The following TBX15 variants were observed in gnomAD, a reference collection of about 807,000 sequenced individuals.
TBX15 encodes T-box transcription factor TBX15.
TBX15 carries 18 observed loss-of-function variants against 53.9 expected under a neutral mutation model. That is an observed-to-expected ratio of 0.33 (90% CI 0.23 to 0.49). TBX15 has a LOEUF of 0.49. TBX15 is among the 20% of genes least tolerant of loss of function. The probability of loss-of-function intolerance (pLI) is 0.98; values close to 1 mark genes in which losing one functional copy is unlikely to be tolerated. For missense variants in TBX15, 692 were observed against 749.5 expected (o/e 0.92, Z 0.90); for synonymous variants, 295 against 278.0 (o/e 1.06, Z -0.61).
chr1:118,893,493 A>G (rs868778816), intron 7 of TBX15, among the ~76,000 whole-genome samples: 43 of 103,476 alleles, frequency 4.2e-4, no homozygotes, highest in Non-Finnish European at 3.6e-4. Flanking sequence ...AAGGAAAGAA[A>G]GAAAGAAAGA....
At chr1:118,970,528 C>T (rs1657203630) in intron 1 of TBX15, among the ~76,000 whole-genome samples, 2 of 152,300 alleles carry the variant, frequency 1.3e-5, no homozygotes, top group Non-Finnish European at 2.9e-5. Flanking sequence ...TCTTTCCAAG[C>T]AGCAGCAGGA....
chr1:118,972,726 A>C (rs1657272055), intron 1 of TBX15, among the ~76,000 whole-genome samples: 1 of 151,996 alleles, frequency 6.6e-6, no homozygotes, highest in Non-Finnish European at 1.5e-5. Context: ...CAGCCTCCCA[A>C]GTAGCTGGGA....
At chr1:118,917,619 A>C (rs1655284808) in intron 5 of TBX15, among the ~76,000 whole-genome samples, 1 of 152,208 alleles carries the variant, frequency 6.6e-6, no homozygotes, top group Non-Finnish European at 1.5e-5. Context: ...TGTAAGCATG[A>C]ATATCAAAGT....
chr1:118,921,873 C>G (rs538452418), intron 5 of TBX15, among the ~76,000 whole-genome samples: 5 of 152,108 alleles, frequency 3.3e-5, no homozygotes, highest in Admixed American at 1.3e-4. Flanking sequence ...TGTTCTCATT[C>G]TAGAATGTTA....
rs978331806 is a variant in TBX15 at position 118,987,915 on chromosome 1, C to T, written c.-120G>A. Reference sequence around the variant, plus strand: ...AGAGGCGGAGGCGCGTCGGACGAGGCTGAGACTGCGGCTCGCGGGTCTCTC... The same window carrying T: ...AGAGGCGGAGGCGCGTCGGACGAGGTTGAGACTGCGGCTCGCGGGTCTCTC... On this transcript the variant is annotated 5_prime_UTR_variant, in exon 1 of 8. Coordinates refer to ENST00000369429, the MANE Select transcript of TBX15 (RefSeq NM_001330677.2). 7.8e-7 allele frequency: 1 copy of T among 1,278,580 alleles called. No individual in the cohort carries two copies. The allele number at this position is 1,278,580 out of a possible 1,614,324, so 79.2% of individuals were successfully genotyped here. A position where few individuals can be genotyped will look rare whatever the true frequency, so the allele number is the denominator to read the frequency against.
At position 118,899,069 on chromosome 1, in the gene TBX15, G is replaced by A. The variant is rs924366647; in HGVS notation, c.983C>T (p.Thr328Ile). 1.2e-6 allele frequency: 2 copies of A among 1,613,574 alleles called. No homozygotes were observed. Among genetic ancestry groups the A allele is most frequent in the African/African-American group, 1.3e-5 (1 of 74,898 alleles). Residue 328 changes from threonine (T) to isoleucine (I), a missense_variant, in exon 7 of 8, where the codon ACA (threonine) becomes ATA (isoleucine). Transcript: ENST00000369429. The part of the protein sequence containing the change: ...TYAFWRPPVR[T>I]LTFEDFTTMQ... ...GGTGGTGAAGTCTTCGAAGGTGAGTGTGCGCACAGGAGGTCTCCAGAATGC... is the reference window on the plus strand; with the variant it reads ...GGTGGTGAAGTCTTCGAAGGTGAGTATGCGCACAGGAGGTCTCCAGAATGC...
rs1348811717 is a variant in TBX15 at position 118,883,502 on chromosome 1, A to AG, written c.*1229dup. ...GACATGAGGGGATATTTCCTGCCACAGGGATAGCGGGCAGGCATTCTAGGT... is the reference window on the plus strand; with the variant it reads ...GACATGAGGGGATATTTCCTGCCACAGGGGATAGCGGGCAGGCATTCTAGGT... On this transcript the variant is annotated 3_prime_UTR_variant, in exon 8 of 8. Coordinates refer to ENST00000369429, the MANE Select transcript of TBX15 (RefSeq NM_001330677.2). The AG allele has an allele frequency of 1.3e-5, 2 of 152,352 alleles. No homozygotes were observed. The highest frequency in any genetic ancestry group is 3.9e-4 in the East Asian group (2 of 5,184). 9.4% of individuals were successfully genotyped at this position (152,352 alleles called of 1,614,324 possible). A position where few individuals can be genotyped will look rare whatever the true frequency, so the allele number is the denominator to read the frequency against.
At chr1:118,910,365 TG>T (rs1360639733) in intron 6 of TBX15, among the ~76,000 whole-genome samples, 1 of 152,174 alleles carries the variant, frequency 6.6e-6, no homozygotes. Context: ...AGTAGTCACT[TG>T]ATGTCTAAAA....
chr1:118,914,060 G>T, intron 6 of TBX15, 55 bp downstream of exon 6: 1 of 1,573,166 alleles, frequency 6.4e-7, no homozygotes, highest in Non-Finnish European at 8.7e-7. Flanking sequence ...TCAGCAGGAT[G>T]TGAGGGAAGT....
chr1:118,926,570 T>A lies in TBX15; in HGVS notation c.461A>T (p.Asp154Val). Residue 154 changes from aspartate (D) to valine (V), a missense_variant, in exon 3 of 8, where the codon GAT becomes GTT. Asp to Val is a radical substitution (Grantham distance 152, BLOSUM62 -3). This residue lies in a region of TBX15 where 307 missense variants were observed against 347.5 expected (regional missense o/e 0.88). Coordinates refer to ENST00000369429, the MANE Select transcript of TBX15 (RefSeq NM_001330677.2). ...TGCTATGTAGTACTGCTGATGTGGATCTAGGCCAGTGATTTTCACTCTCAT... is the reference window on the plus strand; with the variant it reads ...TGCTATGTAGTACTGCTGATGTGGAACTAGGCCAGTGATTTTCACTCTCAT... ...PAMRVKITGL[D>V]PHQQYYIAMD... 1 of 1,613,974 alleles carries A rather than the reference T, an allele frequency of 6.2e-7. No individual in the cohort carries two copies. The highest frequency in any genetic ancestry group is 8.5e-7 in the Non-Finnish European group (1 of 1,179,914).
At chr1:118,971,537 T>C (rs1005290649) in intron 1 of TBX15, among the ~76,000 whole-genome samples, 8 of 152,242 alleles carry the variant, frequency 5.3e-5, no homozygotes, top group Non-Finnish European at 4.4e-5. Context: ...TGCAGTCTAG[T>C]TGGGGCTTGT....
intron 1 of TBX15, among the ~76,000 whole-genome samples, chr1:118,974,510 G>C (rs925786965): frequency 5.3e-5 from 8 of 152,212 alleles, no homozygotes; most frequent in Non-Finnish European, 8.8e-5. Flanking sequence ...GACTTCCTAA[G>C]AGAGGAAGGT....
At chr1:118,927,589 T>G (rs1251623206) in intron 2 of TBX15, among the ~76,000 whole-genome samples, 1 of 152,208 alleles carries the variant, frequency 6.6e-6, no homozygotes, top group African/African-American at 2.4e-5. Context: ...CCTGTGGAAT[T>G]GGAAGCAAAT....
Position 118,884,780 on chromosome 1 carries a change from A to C in TBX15, c.1761T>G (p.Tyr587Ter). The C allele has an allele frequency of 6.2e-7, 1 of 1,614,068 alleles. No homozygotes were observed. The highest frequency in any genetic ancestry group is 1.1e-5 in the South Asian group (1 of 91,080). The change falls in exon 8 of 8, where the codon TAT (tyrosine) becomes TAG (stop). Residue 587 changes from tyrosine (Y) to a stop codon, truncating the protein, a stop_gained. Transcript: ENST00000369429. LOFTEE classifies it high-confidence loss of function. Reference protein sequence around the residue: ...QATNTCDGRQYGAVPGSSSQM... With the variant: ...QATNTCDGRQ ...GGGAGGAGGAGCCTGGAACTGCCCC[A>C]TACTGCCGGCCATCACAAGTGTTGG...
intron 7 of TBX15, among the ~76,000 whole-genome samples, chr1:118,889,371 C>T (rs981058131): frequency 6.6e-6 from 1 of 152,168 alleles, no homozygotes; most frequent in Non-Finnish European, 1.5e-5. Flanking sequence ...GGAGCCCATC[C>T]TCTTTGATCA....
At chr1:118,975,765 A>C (rs1205273414) in intron 1 of TBX15, among the ~76,000 whole-genome samples, 3 of 152,356 alleles carry the variant, frequency 2.0e-5, no homozygotes, top group African/African-American at 7.2e-5. Flanking sequence ...CATGAAAGCT[A>C]CTGCTGGTTA....
At chr1:118,982,515 T>G (rs557075966) in intron 1 of TBX15, among the ~76,000 whole-genome samples, 2 of 152,354 alleles carry the variant, frequency 1.3e-5, no homozygotes, top group African/African-American at 4.8e-5. Context: ...TGAGGGTTAA[T>G]GACGAGGAAC....
chr1:118,914,499 T>C (rs1655124697), intron 5 of TBX15, among the ~76,000 whole-genome samples: 1 of 152,182 alleles, frequency 6.6e-6, no homozygotes. Flanking sequence ...AATTGGTCAA[T>C]GGTCACGTCC....
chr1:118,970,406 T>C (rs138196421), intron 1 of TBX15, among the ~76,000 whole-genome samples: 245 of 152,308 alleles, frequency 1.6e-3, no homozygotes, highest in African/African-American at 5.6e-3. Context: ...GAGTTCACAC[T>C]GAATCAAGGA....
Sources: gnomAD v4.1 joint callset for allele counts (sites outside exome capture counted in the v4.1 genomes callset) on GRCh38, gnomAD v4.1.1 for gene constraint, gnomAD v4.1.1 regional missense constraint, MANE v1.5 for transcripts, NCBI Gene and HGNC (gene_info 2026-07-23, HGNC 2026-07-21) for gene names.